Variants in LINGO2 observed in about 807,000 individuals in gnomAD.
LINGO2 encodes the protein leucine-rich repeat and immunoglobulin-like domain-containing nogo receptor-interacting protein 2.
In LINGO2, 14 loss-of-function variants were observed where a neutral mutation model predicts 30.6. The observed-to-expected ratio is 0.46, with a 90% CI of 0.30 to 0.72. The LOEUF (loss-of-function observed/expected upper bound fraction) is 0.72. Among genes scored for constraint, LINGO2 ranks in the 30% least tolerant of loss-of-function variants. The pLI is 0.07. For missense variants in LINGO2, 729 were observed against 751.7 expected (o/e 0.97, Z 0.35); for synonymous variants, 317 against 288.5 (o/e 1.10, Z -1.00).
At chr9:28,136,088 G>A (rs1251358167) in intron 4 of LINGO2, among the ~76,000 whole-genome samples, 2 of 152,082 alleles carry the variant, frequency 1.3e-5, no homozygotes, top group African/African-American at 2.4e-5. Context: ...AATTCACTTT[G>A]TAGAGTCTGA....
chr9:28,877,419 A>G, the LINGO2 span, among the ~76,000 whole-genome samples: 2 of 151,992 alleles, frequency 1.3e-5, no homozygotes, highest in East Asian at 3.9e-4. Flanking sequence ...ATCTTGAATT[A>G]ATTTTTGTAT....
chr9:28,336,804 C>T (rs1469042386), intron 3 of LINGO2, among the ~76,000 whole-genome samples: 2 of 151,918 alleles, frequency 1.3e-5, no homozygotes, highest in African/African-American at 2.4e-5. Context: ...AAAAAAACCA[C>T]CTCATTTTCC....
chr9:28,959,538 AATTT>A, the LINGO2 span, among the ~76,000 whole-genome samples: 1 of 149,480 alleles, frequency 6.7e-6, no homozygotes, highest in African/African-American at 2.5e-5. Context: ...CAAGGAATTA[AATTT>A]ATTTATCACT....
the LINGO2 span, among the ~76,000 whole-genome samples, chr9:28,928,348 A>G: frequency 6.6e-6 from 1 of 152,198 alleles, no homozygotes. Flanking sequence ...TGAACTTTAA[A>G]TTAGTATCAA....
chr9:28,990,699 G>A, the LINGO2 span, among the ~76,000 whole-genome samples: 34 of 152,242 alleles, frequency 2.2e-4, no homozygotes, highest in Admixed American at 1.4e-3. Flanking sequence ...CGCGGTTCAC[G>A]AAAATCCGCT....
chr9:28,010,354 A>G (rs1259100928), intron 5 of LINGO2, among the ~76,000 whole-genome samples: 1 of 152,140 alleles, frequency 6.6e-6, no homozygotes, highest in East Asian at 1.9e-4. Context: ...CTGCCCTAAC[A>G]TAGTTTGTAA....
chr9:28,180,510 C>T (rs944701906), intron 4 of LINGO2, among the ~76,000 whole-genome samples: 1 of 152,170 alleles, frequency 6.6e-6, no homozygotes, highest in Non-Finnish European at 1.5e-5. Flanking sequence ...AGTTTCTTTG[C>T]TTCCTCCCCC....
At chr9:28,335,775 T>A (rs1825569716) in intron 3 of LINGO2, among the ~76,000 whole-genome samples, 1 of 152,200 alleles carries the variant, frequency 6.6e-6, no homozygotes, top group Non-Finnish European at 1.5e-5. Context: ...TTTAAAAATA[T>A]GAATTATTGG....
intron 1 of LINGO2, among the ~76,000 whole-genome samples, chr9:28,528,832 G>A (rs187263843): frequency 6.6e-6 from 1 of 151,896 alleles, no homozygotes; most frequent in East Asian, 1.9e-4. Context: ...ATGTGTTTGT[G>A]TATATATATT....
At chr9:28,720,163 T>G in the LINGO2 span, among the ~76,000 whole-genome samples, 1 of 152,086 alleles carries the variant, frequency 6.6e-6, no homozygotes, top group East Asian at 1.9e-4. Context: ...AAGTCCACAC[T>G]TAATTTGACA....
chr9:28,454,327 GTC>G (rs1255187073), intron 2 of LINGO2, among the ~76,000 whole-genome samples: 1 of 151,862 alleles, frequency 6.6e-6, no homozygotes, highest in African/African-American at 2.4e-5. Flanking sequence ...TTTAAGCTGT[GTC>G]TCTGTTACCT....
intron 3 of LINGO2, among the ~76,000 whole-genome samples, chr9:28,368,403 C>T (rs1189640799): frequency 6.6e-6 from 1 of 152,160 alleles, no homozygotes; most frequent in African/African-American, 2.4e-5. Context: ...CTTTTGAGTT[C>T]TTTAGTCTCC....
chr9:28,860,641 A>G, the LINGO2 span, among the ~76,000 whole-genome samples: 2 of 149,824 alleles, frequency 1.3e-5, no homozygotes, highest in Non-Finnish European at 3.0e-5. Context: ...AAAGATGCAT[A>G]TATATAATCT....
At chr9:28,772,144 C>A in the LINGO2 span, among the ~76,000 whole-genome samples, 3 of 152,012 alleles carry the variant, frequency 2.0e-5, no homozygotes, top group East Asian at 3.9e-4. Context: ...ATATGGAATC[C>A]CTGTAGCGCA....
chr9:28,906,068 G>C, the LINGO2 span, among the ~76,000 whole-genome samples: 1 of 151,922 alleles, frequency 6.6e-6, no homozygotes, highest in Non-Finnish European at 1.5e-5. Context: ...AAAAGAAATA[G>C]CACATGATCT....
the LINGO2 span, among the ~76,000 whole-genome samples, chr9:28,769,897 T>A: frequency 6.6e-6 from 1 of 152,038 alleles, no homozygotes; most frequent in South Asian, 2.1e-4. Context: ...TTTGCTCATT[T>A]TTATCTTTTC....
chr9:28,592,805 C>T (rs1445230648), intron 1 of LINGO2, among the ~76,000 whole-genome samples: 2 of 151,990 alleles, frequency 1.3e-5, no homozygotes, highest in Non-Finnish European at 2.9e-5. Flanking sequence ...ATAGGGTACA[C>T]TTTCCAAAAA....
chr9:28,222,506 T>C (rs1821000945), intron 4 of LINGO2, among the ~76,000 whole-genome samples: 1 of 150,756 alleles, frequency 6.6e-6, no homozygotes, highest in South Asian at 2.1e-4. Flanking sequence ...AAATTAAAAC[T>C]TGACTTAGGT....
At chr9:28,840,391 T>G in the LINGO2 span, among the ~76,000 whole-genome samples, 2 of 151,844 alleles carry the variant, frequency 1.3e-5, no homozygotes, top group African/African-American at 4.9e-5. Flanking sequence ...GCCTGTAAGT[T>G]TTATCAACAA....
Sources: gnomAD v4.1 joint callset for allele counts (sites outside exome capture counted in the v4.1 genomes callset) on GRCh38, gnomAD v4.1.1 for gene constraint, MANE v1.5 for transcripts, NCBI Gene and HGNC (gene_info 2026-07-23, HGNC 2026-07-21) for gene names.